Variants in SH3GL2 observed in about 807,000 individuals in gnomAD.
SH3GL2 encodes SH3 domain containing GRB2 like 2, endophilin A1.
Under a neutral mutation model 46.0 loss-of-function variants are expected in SH3GL2, and 24 were observed. That is an observed-to-expected ratio of 0.52 (90% CI 0.38 to 0.73). The LOEUF is 0.73. SH3GL2 is among the 30% of genes least tolerant of loss of function. The pLI is 0.00. For synonymous variants in SH3GL2, 196 were observed against 147.1 expected (o/e 1.33, Z -2.40); for missense variants, 413 against 424.2 (o/e 0.97, Z 0.23).
chr9:17,680,792 C>G (rs1282819660), intron 1 of SH3GL2, among the ~76,000 whole-genome samples: 5 of 152,200 alleles, frequency 3.3e-5, no homozygotes, highest in Middle Eastern at 3.4e-3. Context: ...CCTGTACACA[C>G]TGCTTTAAAT....
At chr9:17,769,160 C>G (rs969974443) in intron 3 of SH3GL2, among the ~76,000 whole-genome samples, 41 of 152,278 alleles carry the variant, frequency 2.7e-4, no homozygotes, top group African/African-American at 9.9e-4. Flanking sequence ...CTTCCTAAGC[C>G]TTTTCTTGTT....
chr9:17,631,068 G>A (rs952814900), intron 1 of SH3GL2, among the ~76,000 whole-genome samples: 2 of 151,952 alleles, frequency 1.3e-5, no homozygotes, highest in Non-Finnish European at 2.9e-5. Flanking sequence ...TGCATGCAGT[G>A]ATTGCTTGAT....
intron 3 of SH3GL2, among the ~76,000 whole-genome samples, chr9:17,784,276 G>A (rs1415311027): frequency 6.6e-6 from 1 of 152,092 alleles, no homozygotes; most frequent in Non-Finnish European, 1.5e-5. Context: ...TTGAAAATCA[G>A]CCACAGTGTA....
chr9:17,681,553 C>G (rs1319645508), intron 1 of SH3GL2, among the ~76,000 whole-genome samples: 2 of 152,080 alleles, frequency 1.3e-5, no homozygotes, highest in African/African-American at 4.8e-5. Context: ...AAAGTTAACT[C>G]AAGATGGGTT....
chr9:17,698,736 C>T (rs911046022), intron 1 of SH3GL2, among the ~76,000 whole-genome samples: 1 of 152,228 alleles, frequency 6.6e-6, no homozygotes, highest in South Asian at 2.1e-4. Flanking sequence ...TATACCTGAA[C>T]TCCTCTGTTC....
In SH3GL2 at chr9:17,609,164, G is replaced by GT. The variant is rs1775750538; in HGVS notation, c.45+29883dup. Among the ~76,000 whole-genome samples the GT allele has an allele frequency of 2.6e-5, 4 of 152,264 alleles. No homozygotes were observed. The South Asian group carries it at 8.3e-4, about 32-fold the overall frequency. On this transcript the variant is annotated intron_variant, in intron 1 of 8. Coordinates refer to ENST00000380607, the MANE Select transcript of SH3GL2 (RefSeq NM_003026.5). ...ATAATTCTCACAGCCCGATAAAGTA[G>GT]TTTTTTATGGCATCCTCATTTTTAG...
intron 3 of SH3GL2, among the ~76,000 whole-genome samples, chr9:17,777,678 G>A (rs1014555471): frequency 2.0e-5 from 3 of 151,908 alleles, no homozygotes. Flanking sequence ...ACCTTTTCGT[G>A]GTGCATGTGT....
intron 1 of SH3GL2, among the ~76,000 whole-genome samples, chr9:17,716,397 A>C (rs1394859271): frequency 6.6e-6 from 1 of 152,120 alleles, no homozygotes; most frequent in Admixed American, 6.6e-5. Flanking sequence ...AATATTTGCT[A>C]GGAGGGACCA....
Position 17,795,847 on chromosome 9 carries a change from GT to G in SH3GL2, c.*105del. ...CACATCCCAAGTGCAGGCCGCAGTG[GT>G]CCACGTCATCCAGCCCCACCAAGTG... is the stretch of plus-strand genomic sequence containing the variant. On this transcript the variant is annotated 3_prime_UTR_variant, in exon 9 of 9. Transcript: ENST00000380607. 2 of 898,606 alleles carry G rather than the reference GT, an allele frequency of 2.2e-6. No individual in the cohort carries two copies. Among genetic ancestry groups the G allele is most frequent in the Non-Finnish European group, 3.4e-6 (2 of 581,796 alleles). 55.7% of individuals were successfully genotyped at this position (898,606 alleles called of 1,614,324 possible). A position where few individuals can be genotyped will look rare whatever the true frequency, so the allele number is the denominator to read the frequency against.
At chr9:17,784,027 T>G (rs1823886276) in intron 3 of SH3GL2, among the ~76,000 whole-genome samples, 1 of 152,162 alleles carries the variant, frequency 6.6e-6, no homozygotes, top group Admixed American at 6.5e-5. Context: ...ATGATATTTT[T>G]AATAACACAG....
At position 17,757,191 on chromosome 9, in the gene SH3GL2, A is replaced by G. The variant is rs375565134; in HGVS notation, c.115-4246A>G. ...AGACTTAAATGTTAGACCTAAGACC[A>G]TAAAAACCCTAGAAGAAAACCTAGA... On this transcript the variant is annotated intron_variant, in intron 2 of 8. Transcript: ENST00000380607. Among the ~76,000 whole-genome samples, 20 of 152,318 alleles carry G rather than the reference A, an allele frequency of 1.3e-4. 1 individual carries two copies. In the East Asian group the frequency reaches 2.5e-3, roughly 19 times the overall value.
At chr9:17,591,500 T>C (rs1394840668) in intron 1 of SH3GL2, among the ~76,000 whole-genome samples, 1 of 152,148 alleles carries the variant, frequency 6.6e-6, no homozygotes, top group East Asian at 1.9e-4. Context: ...AAATTGCTTG[T>C]CACATTATTT....
At chr9:17,649,216 C>CCA (rs1819896275) in intron 1 of SH3GL2, among the ~76,000 whole-genome samples, 1 of 152,184 alleles carries the variant, frequency 6.6e-6, no homozygotes, top group Non-Finnish European at 1.5e-5. Context: ...CAGGCATGTG[C>CCA]CACAACACCC....
chr9:17,774,009 T>C (rs2059393827), intron 3 of SH3GL2, among the ~76,000 whole-genome samples: 3 of 152,186 alleles, frequency 2.0e-5, no homozygotes, highest in Non-Finnish European at 4.4e-5. Flanking sequence ...TGAAGTCTTT[T>C]ACCTCCTTGG....
chr9:17,780,469 G>GTTT (rs201979727), intron 3 of SH3GL2, among the ~76,000 whole-genome samples: 9 of 146,924 alleles, frequency 6.1e-5, no homozygotes, highest in East Asian at 2.0e-4. Flanking sequence ...GAATAGCACA[G>GTTT]TTTTTTTTTT....
At chr9:17,769,108 C>T (rs1343666756) in intron 3 of SH3GL2, among the ~76,000 whole-genome samples, 1 of 152,214 alleles carries the variant, frequency 6.6e-6, no homozygotes, top group African/African-American at 2.4e-5. Flanking sequence ...CTAATTTGTG[C>T]AGCTTTCCTG....
At chr9:17,616,908 A>G (rs1819016018) in intron 1 of SH3GL2, among the ~76,000 whole-genome samples, 1 of 152,194 alleles carries the variant, frequency 6.6e-6, no homozygotes, top group African/African-American at 2.4e-5. Context: ...TGATGTCTGA[A>G]TTCTACTCCT....
intron 3 of SH3GL2, among the ~76,000 whole-genome samples, chr9:17,779,012 T>G (rs935787166): frequency 5.9e-5 from 9 of 152,096 alleles, no homozygotes; most frequent in African/African-American, 1.9e-4. Flanking sequence ...AATGCCTTAG[T>G]CTGTAATACA....
At chr9:17,656,471 G>A (rs899767987) in intron 1 of SH3GL2, among the ~76,000 whole-genome samples, 2 of 151,902 alleles carry the variant, frequency 1.3e-5, no homozygotes, top group African/African-American at 2.4e-5. Flanking sequence ...TGCAAGTAAC[G>A]TAGATAATCT....
Sources: gnomAD v4.1 joint callset for allele counts (sites outside exome capture counted in the v4.1 genomes callset) on GRCh38, gnomAD v4.1.1 for gene constraint, MANE v1.5 for transcripts, NCBI Gene and HGNC (gene_info 2026-07-23, HGNC 2026-07-21) for gene names.